CAMKMT: variants seen among roughly 807,000 people sequenced by gnomAD.
CAMKMT encodes CaM KMT.
A neutral mutation model predicts 48.0 loss-of-function variants in CAMKMT; 53 were observed. The observed-to-expected ratio is 1.10, with a 90% confidence interval of 0.89 to 1.39. The LOEUF (loss-of-function observed/expected upper bound fraction) is 1.39, where lower values mean the gene tolerates loss of function less well. Among genes scored for constraint, CAMKMT ranks in the 40% most tolerant of loss-of-function variants. The pLI is 0.00. For synonymous variants in CAMKMT, 165 were observed against 152.3 expected (o/e 1.08, Z -0.61); for missense variants, 428 against 402.7 (o/e 1.06, Z -0.54).
At chr2:44,526,012 G>C (rs1671385813) in intron 3 of CAMKMT, among the ~76,000 whole-genome samples, 1 of 151,912 alleles carries the variant, frequency 6.6e-6, no homozygotes, top group Non-Finnish European at 1.5e-5. Flanking sequence ...TCCCCTCTCT[G>C]GATTAAGAAA....
intron 3 of CAMKMT, among the ~76,000 whole-genome samples, chr2:44,628,402 A>G (rs1672617932): frequency 6.6e-6 from 1 of 151,390 alleles, no homozygotes; most frequent in Non-Finnish European, 1.5e-5. Flanking sequence ...TTCTCCTTTT[A>G]TCTTTTCAGT....
chr2:44,382,034 T>C (rs1085494), intron 2 of CAMKMT, among the ~76,000 whole-genome samples: 104,494 of 149,952 alleles, frequency 0.7, 37,017 homozygotes, highest in Middle Eastern at 0.81. Context: ...CTCTGTCTCC[T>C]GGGTTCAAGC....
chr2:44,410,220 G>GC (rs1453781358), intron 3 of CAMKMT, among the ~76,000 whole-genome samples: 15 of 59,170 alleles, frequency 2.5e-4, no homozygotes, highest in South Asian at 7.5e-4. Flanking sequence ...TAAGTAATTA[G>GC]TCAGGTATCA....
At chr2:44,750,826 CAACATGGTGA>C (rs1239846619) in intron 8 of CAMKMT, among the ~76,000 whole-genome samples, 2 of 152,124 alleles carry the variant, frequency 1.3e-5, no homozygotes, top group Admixed American at 1.3e-4. Context: ...CCAACCTGGC[CAACATGGTGA>C]AACCCTGCCT....
At position 44,648,010 on chromosome 2, in the gene CAMKMT, A is replaced by T. The variant is rs111730059; in HGVS notation, c.377-56273A>T. On this transcript the variant is annotated intron_variant, in intron 3 of 10. Coordinates refer to ENST00000378494, the MANE Select transcript of CAMKMT (RefSeq NM_024766.5). Reference sequence around the variant, plus strand: ...CTGTATTAGGAAAAAGTGGAGATTAAAAACCCGAATGAAGAAACAGTTAAG... The same window carrying T: ...CTGTATTAGGAAAAAGTGGAGATTATAAACCCGAATGAAGAAACAGTTAAG... 4.6e-3 allele frequency among the ~76,000 whole-genome samples: 702 copies of T among 152,124 alleles called. 8 individuals carry two copies. Among genetic ancestry groups the T allele is most frequent in the African/African-American group, 0.016 (666 of 41,508 alleles).
At chr2:44,496,358 G>T (rs534339045) in intron 3 of CAMKMT, among the ~76,000 whole-genome samples, 1 of 152,278 alleles carries the variant, frequency 6.6e-6, no homozygotes, top group South Asian at 2.1e-4. Context: ...GGGAGTGAAG[G>T]TTAAAGGTAA....
intron 3 of CAMKMT, among the ~76,000 whole-genome samples, chr2:44,397,150 A>G (rs1219947178): frequency 6.6e-6 from 1 of 152,132 alleles, no homozygotes; most frequent in Non-Finnish European, 1.5e-5. Context: ...ATGTTAATGT[A>G]TTAGTCCCCC....
At chr2:44,525,264 T>C (rs1278401435) in intron 3 of CAMKMT, among the ~76,000 whole-genome samples, 1 of 143,356 alleles carries the variant, frequency 7.0e-6, no homozygotes, top group Admixed American at 6.8e-5. Context: ...TAAAGAGATA[T>C]TTTTTTTTTG....
chr2:44,438,228 C>T (rs17032223), intron 3 of CAMKMT, among the ~76,000 whole-genome samples: 19,700 of 152,194 alleles, frequency 0.13, 2,075 homozygotes, highest in African/African-American at 0.29. Flanking sequence ...TTCCTCTAAA[C>T]TCTTTCTCAA....
At chr2:44,475,664 G>A (rs1668652454) in intron 3 of CAMKMT, among the ~76,000 whole-genome samples, 1 of 152,110 alleles carries the variant, frequency 6.6e-6, no homozygotes, top group African/African-American at 2.4e-5. Context: ...AGTAGAGCTG[G>A]CAACATTGTG....
intron 3 of CAMKMT, among the ~76,000 whole-genome samples, chr2:44,562,268 A>G (rs1489863801): frequency 1.3e-5 from 2 of 152,136 alleles, no homozygotes; most frequent in Non-Finnish European, 2.9e-5. Flanking sequence ...ACAACAAACG[A>G]ATTCTATTTT....
intron 3 of CAMKMT, among the ~76,000 whole-genome samples, chr2:44,662,688 C>T (rs961856735): frequency 2.0e-5 from 3 of 152,128 alleles, no homozygotes; most frequent in African/African-American, 7.2e-5. Context: ...AATCCTCTCA[C>T]CTCAGCATCC....
Position 44,372,642 on chromosome 2 carries a change from T to C in CAMKMT, c.139-74T>C, listed in dbSNP as rs148041811. The C allele has an allele frequency of 2.3e-4, 314 of 1,389,716 alleles. 3 individuals carry two copies. In the African/African-American group the frequency reaches 4.2e-3, roughly 18 times the overall value. 86.1% of individuals were successfully genotyped at this position (1,389,716 alleles called of 1,614,324 possible). On this transcript the variant is annotated intron_variant, in intron 1 of 10. Coordinates refer to ENST00000378494, the MANE Select transcript of CAMKMT (RefSeq NM_024766.5). ...AGGGAAAGTCCCCTTACCACTTAAATTTTGAACATTTTGAACACTAAACTT... is the reference window on the plus strand; with the variant it reads ...AGGGAAAGTCCCCTTACCACTTAAACTTTGAACATTTTGAACACTAAACTT...
intron 3 of CAMKMT, among the ~76,000 whole-genome samples, chr2:44,546,073 A>G (rs1465129390): frequency 1.3e-5 from 2 of 151,884 alleles, no homozygotes; most frequent in Admixed American, 1.3e-4. Flanking sequence ...TGCATCTTTT[A>G]TATAGAGAGT....
chr2:44,463,740 C>G (rs1442824519), intron 3 of CAMKMT, among the ~76,000 whole-genome samples: 1 of 152,130 alleles, frequency 6.6e-6, no homozygotes, highest in Admixed American at 6.6e-5. Context: ...AAGAAACTGA[C>G]AAACTTCTCT....
chr2:44,475,156 A>T (rs941238219), intron 3 of CAMKMT, among the ~76,000 whole-genome samples: 2 of 152,192 alleles, frequency 1.3e-5, no homozygotes, highest in Non-Finnish European at 2.9e-5. Context: ...TATTTAATAA[A>T]TTTTATTAAT....
intron 3 of CAMKMT, among the ~76,000 whole-genome samples, chr2:44,596,186 C>T (rs1670646630): frequency 6.6e-6 from 1 of 151,502 alleles, no homozygotes. Flanking sequence ...CAGTGGCTCA[C>T]ACCTGTAATC....
At chr2:44,644,137 T>C (rs1397910008) in intron 3 of CAMKMT, among the ~76,000 whole-genome samples, 2 of 152,184 alleles carry the variant, frequency 1.3e-5, no homozygotes, top group African/African-American at 4.8e-5. Flanking sequence ...ATTGTACAAG[T>C]GCCGAGGAAT....
chr2:44,460,530 T>C (rs971069381), intron 3 of CAMKMT, among the ~76,000 whole-genome samples: 49 of 152,154 alleles, frequency 3.2e-4, no homozygotes, highest in Non-Finnish European at 5.4e-4. Context: ...TCTGTTGAAT[T>C]CATATTTTTG....
Sources: gnomAD v4.1 joint callset for allele counts (sites outside exome capture counted in the v4.1 genomes callset) on GRCh38, gnomAD v4.1.1 for gene constraint, MANE v1.5 for transcripts, NCBI Gene and HGNC (gene_info 2026-07-23, HGNC 2026-07-21) for gene names.